LRRC4C: variants seen among roughly 807,000 people sequenced by gnomAD.
LRRC4C encodes leucine rich repeat containing 4C, also known as leucine-rich repeat-containing protein 4C.
In LRRC4C, 5 loss-of-function variants were observed where a neutral mutation model predicts 33.6. The ratio of observed to expected loss-of-function variants is 0.15; its 90% CI spans 0.08 to 0.31. The LOEUF is 0.31. Ranked by LOEUF, LRRC4C falls within the 10% of genes least tolerant of loss-of-function variation. LRRC4C has a pLI of 1.00. For missense variants in LRRC4C, 560 were observed against 796.7 expected (o/e 0.70, Z 3.58); for synonymous variants, 329 against 302.0 (o/e 1.09, Z -0.93).
chr11:41,115,204 G>A (rs1942051412), intron 1 of LRRC4C, among the ~76,000 whole-genome samples: 1 of 152,040 alleles, frequency 6.6e-6, no homozygotes, highest in Admixed American at 6.6e-5. Context: ...AACTTTCAGA[G>A]CTAAAGGAAA....
At chr11:40,118,955 C>T (rs1489298478) in intron 6 of LRRC4C, among the ~76,000 whole-genome samples, 1 of 152,146 alleles carries the variant, frequency 6.6e-6, no homozygotes, top group Non-Finnish European at 1.5e-5. Context: ...TTCCTGTTGG[C>T]TCAAGTGAGT....
At chr11:40,178,009 A>AAGT (rs529303104) in intron 5 of LRRC4C, among the ~76,000 whole-genome samples, 3 of 152,306 alleles carry the variant, frequency 2.0e-5, no homozygotes, top group African/African-American at 7.2e-5. Flanking sequence ...TTAGCATGCA[A>AAGT]AGTAGTTGTT....
At chr11:40,887,516 A>T (rs1955520310) in intron 2 of LRRC4C, among the ~76,000 whole-genome samples, 1 of 152,026 alleles carries the variant, frequency 6.6e-6, no homozygotes, top group Admixed American at 6.6e-5. Context: ...TACAGAGCAA[A>T]GACTTTGCTG....
chr11:41,261,460 G>T (rs925323217), intron 1 of LRRC4C, among the ~76,000 whole-genome samples: 1 of 152,080 alleles, frequency 6.6e-6, no homozygotes, highest in Non-Finnish European at 1.5e-5. Context: ...GAAATAGAGG[G>T]ATTAAGTTGA....
chr11:41,152,905 A>G (rs899902545), intron 1 of LRRC4C, among the ~76,000 whole-genome samples: 1 of 152,156 alleles, frequency 6.6e-6, no homozygotes, highest in Non-Finnish European at 1.5e-5. Context: ...CCAACTAATA[A>G]AAATAGGTAA....
intron 4 of LRRC4C, among the ~76,000 whole-genome samples, chr11:40,259,262 G>GT (rs1375615926): frequency 1.4e-5 from 2 of 147,818 alleles, no homozygotes; most frequent in Admixed American, 1.3e-4. Flanking sequence ...GGGGTTGTTT[G>GT]TTTTTTTCTT....
intron 1 of LRRC4C, among the ~76,000 whole-genome samples, chr11:40,990,639 G>A (rs376690170): frequency 3.3e-5 from 5 of 152,148 alleles, no homozygotes; most frequent in East Asian, 3.9e-4. Context: ...TTTACATTGC[G>A]TTGACATTCT....
intron 5 of LRRC4C, among the ~76,000 whole-genome samples, chr11:40,141,114 A>T (rs918400582): frequency 6.6e-6 from 1 of 152,174 alleles, no homozygotes; most frequent in Non-Finnish European, 1.5e-5. Context: ...TATTAGATAC[A>T]TGACCTTAAG....
At chr11:40,712,718 A>C (rs184679505) in intron 2 of LRRC4C, among the ~76,000 whole-genome samples, 1 of 152,250 alleles carries the variant, frequency 6.6e-6, no homozygotes, top group East Asian at 1.9e-4. Flanking sequence ...AAACCTTTAC[A>C]AAGAGATTTT....
chr11:40,345,774 G>A (rs1447515237), intron 3 of LRRC4C, among the ~76,000 whole-genome samples: 1 of 152,072 alleles, frequency 6.6e-6, no homozygotes, highest in Non-Finnish European at 1.5e-5. Context: ...CCTACAGAAT[G>A]GAAGGAAAAT....
chr11:40,163,187 T>C (rs1220627337), intron 5 of LRRC4C, among the ~76,000 whole-genome samples: 2 of 152,230 alleles, frequency 1.3e-5, no homozygotes. Flanking sequence ...CTATCCACCA[T>C]ACCGTGTGTA....
intron 5 of LRRC4C, among the ~76,000 whole-genome samples, chr11:40,160,957 T>C (rs577655836): frequency 3.3e-4 from 51 of 152,268 alleles, no homozygotes; most frequent in South Asian, 1.5e-3. Flanking sequence ...CCACCCAAAA[T>C]TGAGCCTGTG....
At chr11:40,312,193 G>T (rs1046838067) in intron 4 of LRRC4C, among the ~76,000 whole-genome samples, 1 of 152,058 alleles carries the variant, frequency 6.6e-6, no homozygotes, top group African/African-American at 2.4e-5. Context: ...ACTCTTGCTT[G>T]GTTATACTTT....
At chr11:40,771,091 C>G (rs1565040579) in intron 2 of LRRC4C, among the ~76,000 whole-genome samples, 1 of 152,212 alleles carries the variant, frequency 6.6e-6, no homozygotes, top group Non-Finnish European at 1.5e-5. Flanking sequence ...CCCTTCTGCA[C>G]TGCCTTAGCA....
chr11:40,130,174 A>G (rs1048200676), intron 6 of LRRC4C, among the ~76,000 whole-genome samples: 2 of 152,148 alleles, frequency 1.3e-5, no homozygotes, highest in Non-Finnish European at 2.9e-5. Context: ...CCAGAGAAAA[A>G]TATTTAAAAT....
At chr11:41,403,907 G>C (rs960559779) in intron 1 of LRRC4C, among the ~76,000 whole-genome samples, 2 of 151,698 alleles carry the variant, frequency 1.3e-5, no homozygotes, top group Non-Finnish European at 2.9e-5. Context: ...TTTAAAAAGG[G>C]CAAAAAACGT....
intron 3 of LRRC4C, among the ~76,000 whole-genome samples, chr11:40,561,573 C>T (rs916807244): frequency 2.6e-5 from 4 of 151,884 alleles, no homozygotes; most frequent in Non-Finnish European, 4.4e-5. Context: ...CCACCACGCC[C>T]GGCTAATTTT....
intron 2 of LRRC4C, among the ~76,000 whole-genome samples, chr11:40,815,477 C>G (rs570164969): frequency 3.9e-5 from 6 of 152,292 alleles, no homozygotes; most frequent in Admixed American, 3.3e-4. Context: ...ATACTCCATT[C>G]CAATTCTCTT....
chr11:40,769,302 A>G (rs1206910143), intron 2 of LRRC4C, among the ~76,000 whole-genome samples: 1 of 152,170 alleles, frequency 6.6e-6, no homozygotes, highest in African/African-American at 2.4e-5. Flanking sequence ...AATGGAAACT[A>G]TAAAACATTT....
Sources: gnomAD v4.1 joint callset for allele counts (sites outside exome capture counted in the v4.1 genomes callset) on GRCh38, gnomAD v4.1.1 for gene constraint, MANE v1.5 for transcripts, NCBI Gene and HGNC (gene_info 2026-07-23, HGNC 2026-07-21) for gene names.